Variants in SORCS2 observed in about 807,000 individuals in gnomAD.
The protein encoded by SORCS2 is VPS10 domain-containing receptor SorCS2.
In SORCS2, 100 loss-of-function variants were observed where a neutral mutation model predicts 141.6. The ratio of observed to expected loss-of-function variants is 0.71; its 90% CI spans 0.60 to 0.83. The LOEUF (loss-of-function observed/expected upper bound fraction) is 0.83, where lower values mean the gene tolerates loss of function less well. Among genes scored for constraint, SORCS2 ranks in the 40% least tolerant of loss-of-function variants. The pLI, the probability that SORCS2 is intolerant of heterozygous loss-of-function variation, is 0.00. For missense variants in SORCS2, 1,646 were observed against 1,560.2 expected (o/e 1.05, Z -0.93); for synonymous variants, 789 against 676.9 (o/e 1.17, Z -2.57).
At chr4:7,408,137 G>A (rs1725086919) in intron 2 of SORCS2, among the ~76,000 whole-genome samples, 1 of 151,932 alleles carries the variant, frequency 6.6e-6, no homozygotes, top group African/African-American at 2.4e-5. Context: ...GAGTATTCTG[G>A]GTTTGTCCAT....
intron 13 of SORCS2, 48 bp from the exon 14 acceptor site, chr4:7,704,129 G>A: frequency 1.3e-6 from 2 of 1,556,878 alleles, no homozygotes; most frequent in Non-Finnish European, 1.8e-6. Context: ...CCAGACACAG[G>A]GAGCTTTCCA....
chr4:7,217,227 C>T (rs1032917525), intron 1 of SORCS2, among the ~76,000 whole-genome samples: 5 of 152,128 alleles, frequency 3.3e-5, no homozygotes, highest in African/African-American at 1.2e-4. Flanking sequence ...TCCATCTCAC[C>T]CCCGCCTTTC....
chr4:7,383,940 T>C (rs1560237466), intron 1 of SORCS2, among the ~76,000 whole-genome samples: 1 of 152,252 alleles, frequency 6.6e-6, no homozygotes, highest in African/African-American at 2.4e-5. Context: ...ACAGATTTAA[T>C]GTAAAAATGC....
At chr4:7,561,935 C>A (rs1367543529) in intron 3 of SORCS2, among the ~76,000 whole-genome samples, 1 of 152,216 alleles carries the variant, frequency 6.6e-6, no homozygotes, top group Non-Finnish European at 1.5e-5. Context: ...ATCCATCCAT[C>A]TATCCATCTA....
intron 3 of SORCS2, among the ~76,000 whole-genome samples, chr4:7,603,731 A>G (rs779448362): frequency 2.6e-5 from 4 of 151,910 alleles, no homozygotes; most frequent in Non-Finnish European, 5.9e-5. Context: ...GTCATTTTTC[A>G]TAGTGAGGTC....
chr4:7,326,223 G>A (rs1719250412), intron 1 of SORCS2, among the ~76,000 whole-genome samples: 1 of 152,130 alleles, frequency 6.6e-6, no homozygotes, highest in African/African-American at 2.4e-5. Flanking sequence ...CTAAGACAGA[G>A]GGTTCTGTCC....
At chr4:7,696,993 T>G (rs1724753616) in intron 11 of SORCS2, among the ~76,000 whole-genome samples, 1 of 152,198 alleles carries the variant, frequency 6.6e-6, no homozygotes, top group African/African-American at 2.4e-5. Context: ...GTCCCCTGAA[T>G]GTGGCTGTCT....
chr4:7,695,580 ATGGATTGGTGGGTGGGTGGG>A (rs1724587471), intron 11 of SORCS2, among the ~76,000 whole-genome samples: 5 of 14,636 alleles, frequency 3.4e-4, no homozygotes, highest in Admixed American at 7.3e-4. Flanking sequence ...GGATGGATGG[ATGGATTGGTGGGTGGGTGGG>A]TGGATGGATG....
intron 1 of SORCS2, among the ~76,000 whole-genome samples, chr4:7,389,181 C>T (rs1723699064): frequency 6.6e-6 from 1 of 152,188 alleles, no homozygotes; most frequent in African/African-American, 2.4e-5. Flanking sequence ...GGCAGTGGAG[C>T]TTGTCTGGCT....
At chr4:7,464,099 T>A (rs554818923) in intron 2 of SORCS2, among the ~76,000 whole-genome samples, 9 of 152,306 alleles carry the variant, frequency 5.9e-5, no homozygotes, top group African/African-American at 2.2e-4. Context: ...AAGAGCTGGA[T>A]GCCGCAGTGG....
intron 1 of SORCS2, among the ~76,000 whole-genome samples, chr4:7,329,336 G>A (rs1719494336): frequency 6.6e-6 from 1 of 152,218 alleles, no homozygotes; most frequent in Non-Finnish European, 1.5e-5. Flanking sequence ...GAGCCAGGAG[G>A]AGCTTCAGGC....
At chr4:7,238,291 G>GT (rs1022399406) in intron 1 of SORCS2, among the ~76,000 whole-genome samples, 1 of 105,132 alleles carries the variant, frequency 9.5e-6, no homozygotes. Context: ...GAGGGAGTCT[G>GT]GGGGGGGTTG....
chr4:7,425,780 C>A (rs1286560711), intron 2 of SORCS2, among the ~76,000 whole-genome samples: 1 of 152,196 alleles, frequency 6.6e-6, no homozygotes, highest in Non-Finnish European at 1.5e-5. Flanking sequence ...AGCCTGGGGT[C>A]CCCACCTCGC....
At chr4:7,473,237 T>C (rs1730087772) in intron 2 of SORCS2, among the ~76,000 whole-genome samples, 1 of 152,070 alleles carries the variant, frequency 6.6e-6, no homozygotes, top group Non-Finnish European at 1.5e-5. Flanking sequence ...ATGTAAGGGC[T>C]CGGGCTGCAG....
chr4:7,469,587 T>C (rs983909926), intron 2 of SORCS2, among the ~76,000 whole-genome samples: 2 of 152,208 alleles, frequency 1.3e-5, no homozygotes, highest in African/African-American at 4.8e-5. Context: ...CCAGCCCCAC[T>C]GAGGCTTCCA....
chr4:7,607,574 T>C (rs1302630975), intron 3 of SORCS2, among the ~76,000 whole-genome samples: 1 of 152,048 alleles, frequency 6.6e-6, no homozygotes, highest in African/African-American at 2.4e-5. Context: ...TTAATAACAA[T>C]TTTGTCCACC....
intron 3 of SORCS2, among the ~76,000 whole-genome samples, chr4:7,585,232 T>C (rs1234425777): frequency 6.6e-6 from 1 of 152,172 alleles, no homozygotes; most frequent in Non-Finnish European, 1.5e-5. Flanking sequence ...AGCAGGTCCA[T>C]CGGGGCCTGA....
intron 2 of SORCS2, among the ~76,000 whole-genome samples, chr4:7,469,022 G>T (rs968724152): frequency 2.0e-5 from 3 of 152,162 alleles, no homozygotes; most frequent in African/African-American, 7.2e-5. Flanking sequence ...GGGTAGAAAT[G>T]AGGAACACTC....
At chr4:7,360,832 G>A (rs934409752) in intron 1 of SORCS2, among the ~76,000 whole-genome samples, 1 of 151,672 alleles carries the variant, frequency 6.6e-6, no homozygotes, top group African/African-American at 2.4e-5. Flanking sequence ...CGATGCTCCT[G>A]CCTCTGCCTC....
Sources: gnomAD v4.1 joint callset for allele counts (sites outside exome capture counted in the v4.1 genomes callset) on GRCh38, gnomAD v4.1.1 for gene constraint, MANE v1.5 for transcripts, NCBI Gene and HGNC (gene_info 2026-07-23, HGNC 2026-07-21) for gene names.